The following HNF4G variants were observed in gnomAD, a reference collection of about 807,000 sequenced individuals.
HNF4G encodes hepatocyte nuclear factor 4-gamma.
A neutral mutation model predicts 50.9 loss-of-function variants in HNF4G; 21 were observed. The ratio of observed to expected loss-of-function variants is 0.41; its 90% CI spans 0.29 to 0.59. The LOEUF (loss-of-function observed/expected upper bound fraction) is 0.59. HNF4G is among the 20% of genes least tolerant of loss of function. HNF4G has a pLI of 0.26. For missense variants in HNF4G, 527 were observed against 559.4 expected (o/e 0.94, Z 0.58); for synonymous variants, 198 against 185.6 (o/e 1.07, Z -0.54).
At chr8:75,430,760 A>T (rs1810997779) in intron 1 of HNF4G, among the ~76,000 whole-genome samples, 1 of 152,212 alleles carries the variant, frequency 6.6e-6, no homozygotes, top group African/African-American at 2.4e-5. Flanking sequence ...CTTTAAATAA[A>T]GGTCCCACAT....
chr8:75,515,875 C>T (rs1217501311), intron 2 of HNF4G, among the ~76,000 whole-genome samples: 1 of 151,968 alleles, frequency 6.6e-6, no homozygotes, highest in African/African-American at 2.4e-5. Context: ...AAGTGATTCT[C>T]CTGCCTCAGC....
Position 75,556,027 on chromosome 8 carries a change from G to C in HNF4G, c.691G>C (p.Ala231Pro). Reference protein sequence around the residue: ...AHAGEHLLLGATKRSMMYKDI... With the variant: ...AHAGEHLLLGPTKRSMMYKDI... ...CGCAGGGGAGCACTTACTGCTTGGA[G>C]CTACAAAGAGATCCATGATGTATAA... The change falls in exon 6 of 10, where the codon GCT becomes CCT. Residue 231 changes from alanine (A) to proline (P), a missense_variant. Physicochemically the swap from Ala to Pro is conservative, Grantham distance 27 (BLOSUM62 -1). Coordinates refer to ENST00000396423, the MANE Select transcript of HNF4G (RefSeq NM_004133.5). 6.3e-7 allele frequency: 1 copy of C among 1,586,522 alleles called. No individual in the cohort carries two copies. The highest frequency in any genetic ancestry group is 8.6e-7 in the Non-Finnish European group (1 of 1,165,848).
intron 2 of HNF4G, among the ~76,000 whole-genome samples, chr8:75,503,479 G>T (rs1451957195): frequency 6.6e-6 from 1 of 152,174 alleles, no homozygotes; most frequent in East Asian, 1.9e-4. Flanking sequence ...ATGTTGTCAA[G>T]ATATTCTTAC....
In HNF4G at chr8:75,558,552, A is replaced by G; in HGVS notation, c.768A>G (p.Glu256=). 6.2e-7 allele frequency: 1 copy of G among 1,613,694 alleles called. No homozygotes were observed. Among genetic ancestry groups the G allele is most frequent in the Non-Finnish European group, 8.5e-7 (1 of 1,179,850 alleles). ...ATGTTATTCACCGCAACAGCTGTGA[A>G]GTTGAGATTAGCCGTGTGGCCAATC... is the stretch of plus-strand genomic sequence containing the variant. The part of the protein sequence containing the change: ...NNYVIHRNSC[E]VEISRVANRV... The change falls in exon 7 of 10, where the codon GAA becomes GAG. Residue 256 remains glutamate (E), a synonymous_variant. Transcript: ENST00000396423.
chr8:75,410,535 A>T (rs537069557), intron 1 of HNF4G, among the ~76,000 whole-genome samples: 1 of 152,224 alleles, frequency 6.6e-6, no homozygotes, highest in African/African-American at 2.4e-5. Flanking sequence ...GTTACTAACT[A>T]TCCATTTACT....
chr8:75,474,536 G>T (rs1421093396), intron 1 of HNF4G, among the ~76,000 whole-genome samples: 2 of 152,064 alleles, frequency 1.3e-5, no homozygotes, highest in African/African-American at 4.8e-5. Context: ...GATGAAAAAA[G>T]TTGAGAAAGT....
At chr8:75,525,322 C>A (rs978122341) in intron 2 of HNF4G, among the ~76,000 whole-genome samples, 1 of 152,168 alleles carries the variant, frequency 6.6e-6, no homozygotes, top group African/African-American at 2.4e-5. Flanking sequence ...GCACTCGCCA[C>A]CATGCCCGGC....
intron 1 of HNF4G, among the ~76,000 whole-genome samples, chr8:75,482,630 AGTGCTGGGATTACAG>A (rs1342463776): frequency 1.3e-5 from 2 of 152,090 alleles, no homozygotes; most frequent in Non-Finnish European, 2.9e-5. Flanking sequence ...GGCCTCCCAA[AGTGCTGGGATTACAG>A]GTGTGAGCCA....
intron 1 of HNF4G, among the ~76,000 whole-genome samples, chr8:75,429,519 C>T (rs1810959005): frequency 6.6e-6 from 1 of 152,150 alleles, no homozygotes; most frequent in South Asian, 2.1e-4. Flanking sequence ...ATCTCTGACT[C>T]TAAATCCCAC....
At chr8:75,431,017 A>T (rs1170456557) in intron 1 of HNF4G, among the ~76,000 whole-genome samples, 2 of 152,274 alleles carry the variant, frequency 1.3e-5, no homozygotes, top group Admixed American at 6.5e-5. Context: ...AGATACATTT[A>T]AAAAAGAACC....
chr8:75,478,172 G>C (rs1743468757), intron 1 of HNF4G, among the ~76,000 whole-genome samples: 1 of 151,942 alleles, frequency 6.6e-6, no homozygotes, highest in South Asian at 2.1e-4. Context: ...AATTAACCAG[G>C]GCGTGGTGGC....
At chr8:75,538,057 A>G (rs76007067), upstream of HNF4G, among the ~76,000 whole-genome samples, 2 of 152,186 alleles carry the variant, frequency 1.3e-5, no homozygotes, top group Non-Finnish European at 2.9e-5. Context: ...GTGTTTCTAC[A>G]TCTGAATATC....
intron 2 of HNF4G, among the ~76,000 whole-genome samples, chr8:75,499,453 C>T (rs548388586): frequency 6.6e-6 from 1 of 151,884 alleles, no homozygotes. Flanking sequence ...TGGCAATACT[C>T]CACAAATTGA....
Position 75,563,982 on chromosome 8 carries a change from T to G in HNF4G, c.1254T>G (p.Pro418=), listed in dbSNP as rs531250814. 7.4e-6 allele frequency: 12 copies of G among 1,613,458 alleles called. No individual in the cohort carries two copies. In the African/African-American group the frequency reaches 1.6e-4, roughly 22 times the overall value. The part of the protein sequence containing the change: ...TLVHADQIST[P]ETPLPSPPQG... ...TCTCTGATTCTTTTTCAGCAACTCC[T>G]GAAACCCCACTCCCTTCCCCACCAC... is the stretch of plus-strand genomic sequence containing the variant. The change falls in exon 10 of 10, where the codon CCT becomes CCG. Residue 418 remains proline, a synonymous_variant. Transcript: ENST00000396423.
chr8:75,519,548 G>A (rs1805984065), intron 2 of HNF4G, among the ~76,000 whole-genome samples: 2 of 152,172 alleles, frequency 1.3e-5, no homozygotes, highest in African/African-American at 4.8e-5. Flanking sequence ...TGGCTGAGGA[G>A]GCCTCACATT....
At chr8:75,432,962 T>G (rs913991512) in intron 1 of HNF4G, among the ~76,000 whole-genome samples, 17 of 152,178 alleles carry the variant, frequency 1.1e-4, no homozygotes, top group African/African-American at 4.1e-4. Flanking sequence ...TTGCCAGCTC[T>G]TTGAATGAGC....
At chr8:75,464,028 C>A (rs1811912558) in intron 1 of HNF4G, among the ~76,000 whole-genome samples, 1 of 152,104 alleles carries the variant, frequency 6.6e-6, no homozygotes, top group South Asian at 2.1e-4. Context: ...CCTGCCTCAA[C>A]CTCTGAAAGT....
chr8:75,445,695 T>G (rs1283178636), intron 1 of HNF4G, among the ~76,000 whole-genome samples: 1 of 134,612 alleles, frequency 7.4e-6, no homozygotes, highest in African/African-American at 3.0e-5. Flanking sequence ...ATGGATACAT[T>G]CCTCGACACA....
chr8:75,438,016 T>G (rs990017003), intron 1 of HNF4G, among the ~76,000 whole-genome samples: 1 of 152,202 alleles, frequency 6.6e-6, no homozygotes, highest in Non-Finnish European at 1.5e-5. Flanking sequence ...TCATAATATG[T>G]AATTAATAGA....
Sources: gnomAD v4.1 joint callset for allele counts (sites outside exome capture counted in the v4.1 genomes callset) on GRCh38, gnomAD v4.1.1 for gene constraint, MANE v1.5 for transcripts, NCBI Gene and HGNC (gene_info 2026-07-23, HGNC 2026-07-21) for gene names.